Variants in SMIM8 observed in about 807,000 individuals in gnomAD.
SMIM8 encodes the protein small integral membrane protein 8, also known as UPF0708 protein C6orf162.
A neutral mutation model predicts 8.1 loss-of-function variants in SMIM8; 8 were observed. The observed-to-expected ratio is 0.99, with a 90% confidence interval of 0.58 to 1.78. The LOEUF (loss-of-function observed/expected upper bound fraction) is 1.78. Ranked by LOEUF, SMIM8 falls within the 40% of genes most tolerant of loss-of-function variation. The pLI is 0.00. For synonymous variants in SMIM8, 45 were observed against 39.7 expected (o/e 1.13, Z -0.50); for missense variants, 126 against 119.8 (o/e 1.05, Z -0.24).
At chr6:87,326,950 C>T (rs1407402181) in intron 1 of SMIM8, among the ~76,000 whole-genome samples, 56 of 108,064 alleles carry the variant, frequency 5.2e-4, no homozygotes, top group Non-Finnish European at 2.3e-4. Context: ...TCTGGGTGCT[C>T]CTGTATTGGG....
intron 2 of SMIM8, among the ~76,000 whole-genome samples, chr6:87,332,326 T>C (rs1368630454): frequency 3.3e-5 from 1 of 29,972 alleles, no homozygotes; most frequent in African/African-American, 1.3e-4. Context: ...CCCCCATATA[T>C]GTATATATAT....
At chr6:87,330,969 T>A (rs1350158051) in intron 2 of SMIM8, 1 of 152,214 alleles carries the variant, frequency 6.6e-6, no homozygotes, top group Admixed American at 6.5e-5. Context: ...GCACACAAAT[T>A]AATCACAAAA....
chr6:87,327,190 C>T (rs1376782211), intron 1 of SMIM8, among the ~76,000 whole-genome samples: 1 of 149,280 alleles, frequency 6.7e-6, no homozygotes, highest in Admixed American at 6.6e-5. Flanking sequence ...TTCCTGAATA[C>T]AGCACACTGA....
chr6:87,336,462 C>T (rs552128405), intron 2 of SMIM8, among the ~76,000 whole-genome samples: 1 of 152,296 alleles, frequency 6.6e-6, no homozygotes, highest in African/African-American at 2.4e-5. Context: ...TAAGTACAAA[C>T]AGCTCCTTAT....
chr6:87,325,305 TG>T (rs778250752), intron 1 of SMIM8, among the ~76,000 whole-genome samples: 1 of 145,304 alleles, frequency 6.9e-6, no homozygotes, highest in African/African-American at 2.6e-5. Context: ...AACACTATGT[TG>T]AATAGGAGTG....
intron 1 of SMIM8, chr6:87,323,177 G>T (rs753136420): frequency 3.9e-5 from 6 of 152,240 alleles, no homozygotes; most frequent in Non-Finnish European, 7.3e-5. Flanking sequence ...GACTCAGATT[G>T]TCAGTACTCA....
chr6:87,333,944 G>A (rs1777047421), intron 2 of SMIM8, among the ~76,000 whole-genome samples: 1 of 152,204 alleles, frequency 6.6e-6, no homozygotes, highest in Non-Finnish European at 1.5e-5. Context: ...TGTACAGGAA[G>A]CATGGTGCCA....
At chr6:87,328,956 G>A (rs1219696954) in intron 1 of SMIM8, among the ~76,000 whole-genome samples, 1 of 152,198 alleles carries the variant, frequency 6.6e-6, no homozygotes, top group Non-Finnish European at 1.5e-5. Flanking sequence ...ATCTCGTGGT[G>A]CGCCATTTTT....
intron 1 of SMIM8, among the ~76,000 whole-genome samples, chr6:87,327,883 C>A (rs1486446712): frequency 5.6e-4 from 84 of 150,116 alleles, no homozygotes; most frequent in Non-Finnish European, 6.7e-4. Flanking sequence ...CCGTCACTTT[C>A]AGGTACACCA....
At chr6:87,335,470 C>T (rs1331432346) in intron 2 of SMIM8, among the ~76,000 whole-genome samples, 1 of 152,146 alleles carries the variant, frequency 6.6e-6, no homozygotes, top group Admixed American at 6.5e-5. Flanking sequence ...GAACCAGCAA[C>T]AGTGAACATT....
chr6:87,333,267 A>ACGCTCC (rs1242621985), intron 2 of SMIM8, among the ~76,000 whole-genome samples: 1 of 152,162 alleles, frequency 6.6e-6, no homozygotes, highest in Admixed American at 6.5e-5. Context: ...CTTGCTCCCC[A>ACGCTCC]CGCTCCCCGA....
intron 2 of SMIM8, among the ~76,000 whole-genome samples, chr6:87,333,735 G>T (rs1582094317): frequency 6.6e-6 from 1 of 152,228 alleles, no homozygotes; most frequent in Non-Finnish European, 1.5e-5. Context: ...AAAAGTGAAT[G>T]TGAGGTCCCT....
rs140620743 is a variant in SMIM8 at position 87,336,902 on chromosome 6, A to G, written c.-23-107A>G. On this transcript the variant is annotated intron_variant, in intron 2 of 3. Transcript: ENST00000392863. The stretch of plus-strand genomic sequence containing the variant: ...AAGATAACTGACAATCACATTTGGT[A>G]TGTATCTGGGTTGGAATTCAAAGAA... 845 of 773,056 alleles carry G rather than the reference A, an allele frequency of 1.1e-3. 1 individual carries two copies. The African/African-American group carries it at 0.013, about 12-fold the overall frequency. 47.9% of individuals were successfully genotyped at this position (773,056 alleles called of 1,614,324 possible).
chr6:87,325,839 T>C (rs1776806153), intron 1 of SMIM8, among the ~76,000 whole-genome samples: 1 of 152,266 alleles, frequency 6.6e-6, no homozygotes, highest in Non-Finnish European at 1.5e-5. Context: ...TCAGAAGGAA[T>C]GGTACCAGTT....
At chr6:87,334,186 G>A (rs1777053692) in intron 2 of SMIM8, among the ~76,000 whole-genome samples, 2 of 152,158 alleles carry the variant, frequency 1.3e-5, no homozygotes, top group Admixed American at 6.5e-5. Context: ...CTCCCACCAG[G>A]CTCCACCTTC....
chr6:87,332,326 T>TATATATATATATATA (rs1777013282), intron 2 of SMIM8, among the ~76,000 whole-genome samples: 1 of 29,972 alleles, frequency 3.3e-5, no homozygotes, highest in African/African-American at 1.3e-4. Context: ...CCCCCATATA[T>TATATATATATATATA]GTATATATAT....
chr6:87,332,327 G>GATATATATATATATATATATA (rs1777013476), intron 2 of SMIM8, among the ~76,000 whole-genome samples: 1 of 39,412 alleles, frequency 2.5e-5, no homozygotes, highest in African/African-American at 8.5e-5. Flanking sequence ...CCCCATATAT[G>GATATATATATATATATATATA]TATATATATA....
intron 2 of SMIM8, among the ~76,000 whole-genome samples, chr6:87,332,045 C>T (rs1421562607): frequency 6.6e-6 from 1 of 151,848 alleles, no homozygotes; most frequent in African/African-American, 2.4e-5. Flanking sequence ...TGCAATATAA[C>T]AAATACTACC....
At chr6:87,324,648 T>G (rs1776770009) in intron 1 of SMIM8, among the ~76,000 whole-genome samples, 1 of 120,696 alleles carries the variant, frequency 8.3e-6, no homozygotes, top group Non-Finnish European at 2.0e-5. Context: ...TTGGTACCAG[T>G]ACCATGCTGT....
Sources: gnomAD v4.1 joint callset for allele counts (sites outside exome capture counted in the v4.1 genomes callset) on GRCh38, gnomAD v4.1.1 for gene constraint, MANE v1.5 for transcripts, NCBI Gene and HGNC (gene_info 2026-07-23, HGNC 2026-07-21) for gene names.